The following WNT9B variants were observed in gnomAD, a reference collection of about 807,000 sequenced individuals.
WNT9B encodes the protein Wnt family member 9B.
A neutral mutation model predicts 30.2 loss-of-function variants in WNT9B; 12 were observed. The observed-to-expected ratio is 0.40, with a 90% CI of 0.26 to 0.64. The LOEUF is 0.64. WNT9B is among the 30% of genes least tolerant of loss of function. WNT9B has a pLI of 0.42. For missense variants in WNT9B, 442 were observed against 485.2 expected, an observed-to-expected ratio of 0.91 and a Z score of 0.84; for synonymous variants, 218 against 216.9, an observed-to-expected ratio of 1.01 and a Z score of -0.05.
At chr17:46,842,427 T>C (rs549191341) in intron 1 of WNT9B, among the ~76,000 whole-genome samples, 28 of 152,170 alleles carry the variant, frequency 1.8e-4, no homozygotes, top group Non-Finnish European at 3.2e-4. Flanking sequence ...CAGGCTGGAG[T>C]GCAGTGGCGC....
chr17:46,877,083 T>G lies in WNT9B; in HGVS notation c.*365T>G. 9.4e-7 allele frequency: 1 copy of G among 1,061,906 alleles called. No individual in the cohort carries two copies. Among genetic ancestry groups the G allele is most frequent in the Non-Finnish European group, 1.1e-6 (1 of 879,326 alleles). The allele number at this position is 1,061,906 out of a possible 1,614,324, so 65.8% of individuals were successfully genotyped here. ...ATCTTGCTTCCTGGGATGAATGGCT[T>G]GGAGCCAGCATGTTCTTGGGAGGTG... is the stretch of plus-strand genomic sequence containing the variant. On this transcript the variant is annotated 3_prime_UTR_variant, in exon 4 of 4. Transcript: ENST00000290015.
Position 46,872,723 on chromosome 17 carries a change from A to C in WNT9B, c.284A>C (p.His95Pro). ...CTTGAGTGCCAGTTTCAGTTCCGGC[A>C]TGAGCGCTGGAACTGTAGCCTGGAG... is the stretch of plus-strand genomic sequence containing the variant. ...GLLECQFQFRHERWNCSLEGR... is the reference protein window; with the variant it reads ...GLLECQFQFRPERWNCSLEGR... Residue 95 changes from histidine to proline, a missense_variant, in exon 2 of 4, where the codon CAT (histidine) becomes CCT (proline). His to Pro is a moderately conservative substitution (Grantham distance 77). Transcript: ENST00000290015. 1 of 1,460,774 alleles carries C rather than the reference A, an allele frequency of 6.8e-7. No individual in the cohort carries two copies. The highest frequency in any genetic ancestry group is 9.2e-7 in the Non-Finnish European group (1 of 1,082,422). The allele number at this position is 1,460,774 out of a possible 1,614,324, so 90.5% of individuals were successfully genotyped here. A position where few individuals can be genotyped will look rare whatever the true frequency, so the allele number is the denominator to read the frequency against.
chr17:46,855,400 A>T (rs1003000246), intron 1 of WNT9B, among the ~76,000 whole-genome samples: 3 of 152,210 alleles, frequency 2.0e-5, no homozygotes, highest in African/African-American at 7.2e-5. Flanking sequence ...TGGCAGTGGG[A>T]CAGGAGGCGG....
At chr17:46,884,839 G>T (rs2085469711), downstream of WNT9B, among the ~76,000 whole-genome samples, 1 of 152,156 alleles carries the variant, frequency 6.6e-6, no homozygotes, top group African/African-American at 2.4e-5. Flanking sequence ...TGGGAAGGGA[G>T]AGGCCGTGGA....
At chr17:46,872,804 C>A in intron 2 of WNT9B, 31 bp downstream of exon 2, 5 of 1,312,026 alleles carry the variant, frequency 3.8e-6, no homozygotes, top group Non-Finnish European at 4.3e-6. Flanking sequence ...ACGGGGAGGG[C>A]TGGGGGAAGA....
At chr17:46,875,507 C>G in intron 3 of WNT9B, 141 bp downstream of exon 3, 1 of 1,190,196 alleles carries the variant, frequency 8.4e-7, no homozygotes, top group Non-Finnish European at 1.1e-6. Flanking sequence ...AACTTCACGT[C>G]TTCAACCAGC....
chr17:46,871,386 C>T (rs895309698), intron 1 of WNT9B, among the ~76,000 whole-genome samples: 1 of 152,174 alleles, frequency 6.6e-6, no homozygotes, highest in African/African-American at 2.4e-5. Flanking sequence ...AGAGGGAAGA[C>T]GAACTCTAAT....
At chr17:46,883,139 C>T (rs565929491), downstream of WNT9B, among the ~76,000 whole-genome samples, 7 of 151,980 alleles carry the variant, frequency 4.6e-5, no homozygotes, top group East Asian at 1.9e-4. Flanking sequence ...CCACCACGCC[C>T]GGCTAATTTT....
At chr17:46,838,737 C>T (rs1450758752) in intron 1 of WNT9B, among the ~76,000 whole-genome samples, 21 of 152,060 alleles carry the variant, frequency 1.4e-4, no homozygotes, top group Admixed American at 1.4e-3. Flanking sequence ...TTTTAATAAG[C>T]ATATATCAGC....
intron 1 of WNT9B, among the ~76,000 whole-genome samples, chr17:46,854,274 G>T (rs945029946): frequency 5.3e-5 from 8 of 152,058 alleles, no homozygotes; most frequent in African/African-American, 1.9e-4. Flanking sequence ...GAGGAATCTG[G>T]TATCAGTCAT....
chr17:46,850,404 C>T (rs1182551623), upstream of WNT9B, among the ~76,000 whole-genome samples: 3 of 152,180 alleles, frequency 2.0e-5, no homozygotes, highest in Non-Finnish European at 4.4e-5. Context: ...GGGGCTTCCT[C>T]TGTTAATGCC....
At chr17:46,838,730 T>A (rs999518807) in intron 1 of WNT9B, among the ~76,000 whole-genome samples, 5 of 152,166 alleles carry the variant, frequency 3.3e-5, no homozygotes, top group African/African-American at 1.2e-4. Context: ...TGGGTTGTTT[T>A]AATAAGCATA....
Position 46,876,631 on chromosome 17 carries a change from C to T in WNT9B, c.987C>T (p.Phe329=). 6.2e-7 allele frequency: 1 copy of T among 1,610,394 alleles called. No homozygotes were observed. Among genetic ancestry groups the T allele is most frequent in the Non-Finnish European group, 8.5e-7 (1 of 1,177,620 alleles). ...GYDTQSRLVA[F]SCHCQVQWCC... Reference sequence around the variant, plus strand: ...ACACCCAGAGCCGCCTGGTGGCCTTCTCCTGCCACTGCCAGGTGCAGTGGT... The same window carrying T: ...ACACCCAGAGCCGCCTGGTGGCCTTTTCCTGCCACTGCCAGGTGCAGTGGT... Residue 329 remains phenylalanine, a synonymous_variant, in exon 4 of 4, where the codon TTC becomes TTT. Coordinates refer to ENST00000290015, the MANE Select transcript of WNT9B (RefSeq NM_003396.3).
At chr17:46,841,375 G>T (rs2084711167) in intron 1 of WNT9B, among the ~76,000 whole-genome samples, 1 of 152,196 alleles carries the variant, frequency 6.6e-6, no homozygotes, top group Non-Finnish European at 1.5e-5. Flanking sequence ...GAGGCTTCCC[G>T]GTGGGAAGAA....
chr17:46,836,267 A>G (rs2084631700), intron 1 of WNT9B, among the ~76,000 whole-genome samples: 1 of 151,728 alleles, frequency 6.6e-6, no homozygotes, highest in Admixed American at 6.6e-5. Flanking sequence ...TTGGAATTCA[A>G]CTGGGGCTCC....
chr17:46,851,438 C>A (rs1189158176), upstream of WNT9B: 6 of 307,024 alleles, frequency 2.0e-5, no homozygotes, highest in African/African-American at 1.3e-4. This position sits in a 1 kb window ranked among gnomAD's most constrained non-coding sequence, Gnocchi z 4.3. Context: ...CTGCCCCACC[C>A]GCGACGGGGC....
chr17:46,872,446 C>A, intron 1 of WNT9B, 71 bp from the exon 2 acceptor site: 1 of 1,428,274 alleles, frequency 7.0e-7, no homozygotes, highest in South Asian at 1.7e-5. Flanking sequence ...CCTGAGGAGG[C>A]CCCTTCCCTT....
At chr17:46,880,613 G>C (rs1373942460), downstream of WNT9B, among the ~76,000 whole-genome samples, 1 of 152,190 alleles carries the variant, frequency 6.6e-6, no homozygotes, top group South Asian at 2.1e-4. Flanking sequence ...CATGGTCCCC[G>C]TAATGGATAA....
At chr17:46,874,603 G>A (rs565048192) in intron 2 of WNT9B, among the ~76,000 whole-genome samples, 4 of 152,002 alleles carry the variant, frequency 2.6e-5, no homozygotes, top group African/African-American at 9.6e-5. Flanking sequence ...TTTGAGACAA[G>A]GTCTCCCTCT....
Sources: allele counts gnomAD v4.1 joint callset (sites outside exome capture counted in the v4.1 genomes callset), GRCh38; gene constraint gnomAD v4.1.1; non-coding constraint Gnocchi (gnomAD v3.1); transcripts MANE v1.5; gene names NCBI Gene and HGNC (gene_info 2026-07-23, HGNC 2026-07-21).